NEMF: variants seen among roughly 807,000 people sequenced by gnomAD.
NEMF encodes nuclear export mediator factor.
In NEMF, 89 loss-of-function variants were observed where a neutral mutation model predicts 162.2. The ratio of observed to expected loss-of-function variants is 0.55; its 90% CI spans 0.46 to 0.65. The LOEUF is 0.65. NEMF is among the 30% of genes least tolerant of loss of function. NEMF has a pLI of 0.00. For synonymous variants in NEMF, 421 were observed against 404.5 expected (o/e 1.04, Z -0.49); for missense variants, 1,133 against 1,261.9 (o/e 0.90, Z 1.55).
intron 8 of NEMF, 56 bp from the exon 9 acceptor site, chr14:49,832,333 CTTTTT>C (rs56170989): frequency 1.4e-5 from 11 of 814,676 alleles, no homozygotes; most frequent in Non-Finnish European, 1.9e-5. Flanking sequence ...AGATTTACTT[CTTTTT>C]TTTTTTTTTG....
In NEMF at chr14:49,825,926, C is replaced by T. The variant is rs1892317333; in HGVS notation, c.1518G>A (p.Lys506=). The part of the protein sequence containing the change: ...KAFKSAEKKT[K]QTLKEVQTVT... ...CAGTCTGAACTTCTTTTAATGTTTG[C>T]TTTGTTTTCTTTTCTGCTGACTTGA... Residue 506 remains lysine (K), a synonymous_variant, in exon 16 of 33, where the codon AAG becomes AAA. Coordinates refer to ENST00000298310, the MANE Select transcript of NEMF (RefSeq NM_004713.6). The T allele has an allele frequency of 6.2e-7, 1 of 1,611,052 alleles. No homozygotes were observed. Among genetic ancestry groups the T allele is most frequent in the Non-Finnish European group, 8.5e-7 (1 of 1,177,976 alleles).
At chr14:49,848,654 G>A (rs1166535209) in intron 3 of NEMF, among the ~76,000 whole-genome samples, 1 of 151,924 alleles carries the variant, frequency 6.6e-6, no homozygotes, top group Non-Finnish European at 1.5e-5. Flanking sequence ...GGCCAACATG[G>A]TGAAACCCCA....
At chr14:49,815,309 A>C (rs1445388028) in intron 16 of NEMF, among the ~76,000 whole-genome samples, 1 of 152,192 alleles carries the variant, frequency 6.6e-6, no homozygotes, top group African/African-American at 2.4e-5. Context: ...TAAATACAAA[A>C]GACCAAAAAT....
intron 28 of NEMF, among the ~76,000 whole-genome samples, chr14:49,788,592 C>G (rs1489160217): frequency 7.4e-6 from 1 of 134,952 alleles, no homozygotes; most frequent in African/African-American, 2.8e-5. Flanking sequence ...GAGTCTCGCT[C>G]TGTCGCCCAG....
rs1006524590 is a variant in NEMF at position 49,784,888 on chromosome 14, T to C, written c.3153+37A>G. ...ACTGCTAACATTTTAAATTGTACTG[T>C]CAGTCTCCACATTCCTTTTCTGAAG... On this transcript the variant is annotated intron_variant, in intron 32 of 32. Coordinates refer to ENST00000298310, the MANE Select transcript of NEMF (RefSeq NM_004713.6). 10 of 1,545,718 alleles carry C rather than the reference T, an allele frequency of 6.5e-6. No homozygotes were observed. In the Admixed American group the frequency reaches 6.8e-5, roughly 10 times the overall value.
At chr14:49,849,024 C>A (rs1893650425) in intron 3 of NEMF, among the ~76,000 whole-genome samples, 1 of 151,880 alleles carries the variant, frequency 6.6e-6, no homozygotes, top group Non-Finnish European at 1.5e-5. Context: ...CTTCTCCAGA[C>A]CTTATAGCCC....
chr14:49,814,155 A>T, intron 17 of NEMF, 105 bp from the exon 18 acceptor site: 1 of 679,858 alleles, frequency 1.5e-6, no homozygotes, highest in Non-Finnish European at 2.6e-6. Context: ...GCTGGAGTGC[A>T]GTGGCACGAT....
chr14:49,829,847 C>A (rs182127061), intron 11 of NEMF, among the ~76,000 whole-genome samples: 104 of 152,208 alleles, frequency 6.8e-4, no homozygotes, highest in African/African-American at 2.3e-3. Flanking sequence ...GAGCTCAATC[C>A]TCCCACCTTG....
chr14:49,807,775 TA>T (rs1442482216), intron 18 of NEMF, among the ~76,000 whole-genome samples: 5 of 151,658 alleles, frequency 3.3e-5, no homozygotes, highest in Non-Finnish European at 5.9e-5. Flanking sequence ...TATATATATA[TA>T]TTTTTTTACT....
chr14:49,834,826 T>C (rs183673711), intron 6 of NEMF, among the ~76,000 whole-genome samples: 18 of 152,220 alleles, frequency 1.2e-4, no homozygotes, highest in Admixed American at 1.2e-3. Context: ...TATTTCCCAA[T>C]ATCAATGATC....
At chr14:49,834,718 G>A (rs1437725028) in intron 6 of NEMF, among the ~76,000 whole-genome samples, 3 of 152,052 alleles carry the variant, frequency 2.0e-5, no homozygotes, top group Non-Finnish European at 4.4e-5. Flanking sequence ...CCTAACCTCA[G>A]GTGATCCACT....
chr14:49,805,174 C>T (rs557538822), intron 19 of NEMF, among the ~76,000 whole-genome samples: 1 of 152,264 alleles, frequency 6.6e-6, no homozygotes, highest in African/African-American at 2.4e-5. Context: ...GACAATATCA[C>T]AGCACAGCAT....
chr14:49,800,678 C>T lies in NEMF; in HGVS notation c.2114G>A (p.Ser705Asn). 1.9e-6 allele frequency: 3 copies of T among 1,613,594 alleles called. No homozygotes were observed. Among genetic ancestry groups the T allele is most frequent in the Non-Finnish European group, 1.7e-6 (2 of 1,179,846 alleles). ...MEQLDGGDTSSDEDKEEHETP... is the reference protein window; with the variant it reads ...MEQLDGGDTSNDEDKEEHETP... ...TTCATGTTCTTCTTTATCCTCATCA[C>T]TGCTCGTGTCACCTCCATCTGTAGA... The change falls in exon 23 of 33, where the codon AGT (serine) becomes AAT (asparagine). Residue 705 changes from serine (S) to asparagine (N), a missense_variant. Around this residue, in one of 3 missense-constraint regions of NEMF, gnomAD observed 532 missense variants for 578.6 expected, o/e 0.92. Coordinates refer to ENST00000298310, the MANE Select transcript of NEMF (RefSeq NM_004713.6).
chr14:49,796,474 ATTTT>A (rs112822505), intron 25 of NEMF: 3 of 246,526 alleles, frequency 1.2e-5, no homozygotes, highest in Non-Finnish European at 2.4e-5. Context: ...CATACTCTGA[ATTTT>A]TTTTTTTTAA....
intron 26 of NEMF, among the ~76,000 whole-genome samples, chr14:49,794,340 T>A (rs931087825): frequency 6.6e-6 from 1 of 152,202 alleles, no homozygotes; most frequent in African/African-American, 2.4e-5. Context: ...TTTATATTTT[T>A]ATTAGGTTGA....
chr14:49,789,645 T>C, intron 26 of NEMF, 72 bp from the exon 27 acceptor site: 1 of 1,557,952 alleles, frequency 6.4e-7, no homozygotes, highest in Non-Finnish European at 8.6e-7. Context: ...TGCAAAGAAA[T>C]GGTGTTACTT....
At chr14:49,785,579 G>A (rs1384488715) in intron 29 of NEMF, 4 of 372,864 alleles carry the variant, frequency 1.1e-5, no homozygotes, top group Non-Finnish European at 1.5e-5. Context: ...CCTACCTACA[G>A]TTACATTTAA....
At chr14:49,827,426 A>G (rs909961679) in intron 15 of NEMF, among the ~76,000 whole-genome samples, 5 of 151,912 alleles carry the variant, frequency 3.3e-5, no homozygotes, top group Non-Finnish European at 1.5e-5. Context: ...GCTTCAAGCG[A>G]TCCACCGGCC....
At chr14:49,817,403 G>A (rs1275788172) in intron 16 of NEMF, among the ~76,000 whole-genome samples, 4 of 152,160 alleles carry the variant, frequency 2.6e-5, no homozygotes, top group Non-Finnish European at 5.9e-5. Flanking sequence ...TTGCACCACT[G>A]CACTTCAGCC....
Sources: allele counts gnomAD v4.1 joint callset (sites outside exome capture counted in the v4.1 genomes callset), GRCh38; gene constraint gnomAD v4.1.1; regional missense constraint gnomAD v4.1.1; transcripts MANE v1.5; gene names NCBI Gene and HGNC (gene_info 2026-07-23, HGNC 2026-07-21).